The following ZNF607 variants were observed in gnomAD, a reference collection of about 807,000 sequenced individuals.
ZNF607 encodes the protein zinc finger protein 607.
In ZNF607, 5 loss-of-function variants were observed where a neutral mutation model predicts 12.8. The ratio of observed to expected loss-of-function variants is 0.39; its 90% CI spans 0.20 to 0.82. The LOEUF is 0.82. ZNF607 is among the 40% of genes least tolerant of loss of function. The probability of loss-of-function intolerance (pLI) is 0.39; values close to 1 mark genes in which losing one functional copy is unlikely to be tolerated. For missense variants in ZNF607, 851 were observed against 859.2 expected, an observed-to-expected ratio of 0.99 and a Z score of 0.12; for synonymous variants, 287 against 276.2, an observed-to-expected ratio of 1.04 and a Z score of -0.39.
At position 37,697,594 on chromosome 19, in the gene ZNF607, A is replaced by T; in HGVS notation, c.*446T>A. 2.2e-6 allele frequency: 1 copy of T among 450,666 alleles called. No individual in the cohort carries two copies. The highest frequency in any genetic ancestry group is 4.1e-6 in the Non-Finnish European group (1 of 246,130). The allele number at this position is 450,666 out of a possible 1,614,324, so 27.9% of individuals were successfully genotyped here. ...TGTTGATCATGAGCATTAAATATGCAGAGTGGCTAAATAGCCTTTCCCATC... is the reference window on the plus strand; with the variant it reads ...TGTTGATCATGAGCATTAAATATGCTGAGTGGCTAAATAGCCTTTCCCATC... On this transcript the variant is annotated 3_prime_UTR_variant, in exon 5 of 5. Coordinates refer to ENST00000355202, the MANE Select transcript of ZNF607 (RefSeq NM_032689.5).
At chr19:37,717,605 GAC>G (rs1248452541) in intron 1 of ZNF607, among the ~76,000 whole-genome samples, 1 of 139,196 alleles carries the variant, frequency 7.2e-6, no homozygotes, top group Non-Finnish European at 1.5e-5. Context: ...AGACCAGCCT[GAC>G]CCACATGGAG....
Position 37,697,085 on chromosome 19 carries a change from G to A in ZNF607, c.*955C>T. 1.3e-6 allele frequency: 1 copy of A among 744,648 alleles called. No homozygotes were observed. Among genetic ancestry groups the A allele is most frequent in the South Asian group, 1.4e-5 (1 of 73,206 alleles). The allele number at this position is 744,648 out of a possible 1,614,324, so 46.1% of individuals were successfully genotyped here. A position where few individuals can be genotyped will look rare whatever the true frequency, so the allele number is the denominator to read the frequency against. On this transcript the variant is annotated 3_prime_UTR_variant, in exon 5 of 5. Transcript: ENST00000355202. ...CGTAGTCCTCTCCAATGCTGGTGAA[G>A]ATGCGAGGAAGCTGGCTAGTGATGG...
intron 4 of ZNF607, among the ~76,000 whole-genome samples, chr19:37,704,212 G>A (rs992631998): frequency 6.6e-6 from 1 of 151,566 alleles, no homozygotes; most frequent in Non-Finnish European, 1.5e-5. Flanking sequence ...CCCAGAACAA[G>A]TACACAAAAA....
intron 1 of ZNF607, among the ~76,000 whole-genome samples, chr19:37,712,109 G>C: frequency 6.6e-6 from 1 of 152,162 alleles, no homozygotes; most frequent in East Asian, 1.9e-4. Flanking sequence ...AATTGGTCAA[G>C]ATATTGGAGA....
rs777857755 is a variant in ZNF607, at chr19:37,699,455, C to T, written c.676G>A (p.Glu226Lys). The part of the protein sequence containing the change: ...HRFHYGEKPY[E>K]CKECGKAFSV... Reference sequence around the variant, plus strand: ...AAGGCCTTGCCACATTCCTTACATTCGTAGGGTTTCTCACCATAATGAAAT... The same window carrying T: ...AAGGCCTTGCCACATTCCTTACATTTGTAGGGTTTCTCACCATAATGAAAT... Residue 226 changes from glutamate to lysine, a missense_variant, in exon 5 of 5, where the codon GAA becomes AAA. By Grantham distance (56) the Glu-to-Lys change is moderately conservative. Transcript: ENST00000355202. 8.1e-6 allele frequency: 13 copies of T among 1,613,864 alleles called. No homozygotes were observed. The African/African-American group carries it at 9.3e-5, about 12-fold the overall frequency.
rs529598985 is a variant in ZNF607, at chr19:37,697,238, G to A, written c.*802C>T. The A allele has an allele frequency of 3.6e-5, 27 of 754,186 alleles. No homozygotes were observed. Among genetic ancestry groups the A allele is most frequent in the Middle Eastern group, 4.6e-4 (2 of 4,310 alleles). The allele number at this position is 754,186 out of a possible 1,614,324, so 46.7% of individuals were successfully genotyped here. ...GTTTTTGTACACATGGGATGAGAAA[G>A]TGAGTCCCTTCCCCTACCACAATGT... On this transcript the variant is annotated 3_prime_UTR_variant, in exon 5 of 5. Coordinates refer to ENST00000355202, the MANE Select transcript of ZNF607 (RefSeq NM_032689.5).
rs1230848466 is a variant in ZNF607 at position 37,719,320 on chromosome 19, CG to C, written c.-127del. On this transcript the variant is annotated 5_prime_UTR_variant, in exon 1 of 5. Transcript: ENST00000355202. ...CGTCACACAGGCAAGCCGGTCCTGT[CG>C]CCGCTGCGCGGTCTCTCACGCTCCC... 6.5e-6 allele frequency: 1 copy of C among 153,624 alleles called. No individual in the cohort carries two copies. The highest frequency in any genetic ancestry group is 1.5e-5 in the Non-Finnish European group (1 of 68,836). The allele number at this position is 153,624 out of a possible 1,614,324, so 9.5% of individuals were successfully genotyped here.
intron 4 of ZNF607, among the ~76,000 whole-genome samples, chr19:37,701,877 GA>G (rs2045041810): frequency 6.6e-6 from 1 of 152,074 alleles, no homozygotes; most frequent in Admixed American, 6.6e-5. Flanking sequence ...ATGGGGGGGA[GA>G]CAGAAAAGGA....
In ZNF607 at chr19:37,698,048, G is replaced by A; in HGVS notation, c.2083C>T (p.His695Tyr). ...ATGCCACAATTTCTCTATCAAATATGAATTCTCTGATGTACTTCAAGGATG... is the reference window on the plus strand; with the variant it reads ...ATGCCACAATTTCTCTATCAAATATAAATTCTCTGATGTACTTCAAGGATG... The part of the protein sequence containing the change: ...RSILEVHQRI[H>Y]I Residue 695 changes from histidine (H) to tyrosine (Y), a missense_variant, in exon 5 of 5, where the codon CAT (histidine) becomes TAT (tyrosine). Physicochemically the swap from His to Tyr is moderately conservative, Grantham distance 83 (BLOSUM62 2). Coordinates refer to ENST00000355202, the MANE Select transcript of ZNF607 (RefSeq NM_032689.5). 6.3e-7 allele frequency: 1 copy of A among 1,585,824 alleles called. No homozygotes were observed. Among genetic ancestry groups the A allele is most frequent in the Non-Finnish European group, 8.5e-7 (1 of 1,169,680 alleles).
In ZNF607 at chr19:37,697,141, C is replaced by A; in HGVS notation, c.*899G>T. The A allele has an allele frequency of 1.3e-6, 1 of 745,504 alleles. No individual in the cohort carries two copies. The allele number at this position is 745,504 out of a possible 1,614,324, so 46.2% of individuals were successfully genotyped here. ...AAGAGGATGCACAGTGTGATGTTGA[C>A]ATTCTGTAAATCTTTGCTACCAGTG... On this transcript the variant is annotated 3_prime_UTR_variant, in exon 5 of 5. Transcript: ENST00000355202.
chr19:37,698,556 A>T lies in ZNF607; in HGVS notation c.1575T>A (p.Ser525Arg), dbSNP rs1233065204. The T allele has an allele frequency of 6.2e-7, 1 of 1,611,906 alleles. No individual in the cohort carries two copies. The change falls in exon 5 of 5, where the codon AGT (serine) becomes AGA (arginine). Residue 525 changes from serine to arginine, a missense_variant. Coordinates refer to ENST00000355202, the MANE Select transcript of ZNF607 (RefSeq NM_032689.5). ...CAAAGGGTTTCTTACCACTGTGAAT[A>T]CTCAGATGCTGAGTAAGTTGTCCAG... ...SVSGQLTQHL[S>R]IHSGKKPFEC... is the part of the protein sequence containing the mutation.
intron 2 of ZNF607, among the ~76,000 whole-genome samples, chr19:37,710,341 CTG>C (rs1337797771): frequency 6.6e-6 from 1 of 151,948 alleles, no homozygotes; most frequent in African/African-American, 2.4e-5. Context: ...TGGCACATGC[CTG>C]TAATCCCAGC....
At position 37,696,449 on chromosome 19, in the gene ZNF607, C is replaced by T. The variant is rs183270806; in HGVS notation, c.*1591G>A. ...CCCATAATTTTTTCATGTACTAACT[C>T]ATGTAATTCTTTGTTTTTTAGAGAT... On this transcript the variant is annotated 3_prime_UTR_variant, in exon 5 of 5. Transcript: ENST00000355202. 13 of 293,788 alleles carry T rather than the reference C, an allele frequency of 4.4e-5. No homozygotes were observed. In the East Asian group the frequency reaches 9.2e-4, roughly 21 times the overall value. The allele number at this position is 293,788 out of a possible 1,614,324, so 18.2% of individuals were successfully genotyped here. A position where few individuals can be genotyped will look rare whatever the true frequency, so the allele number is the denominator to read the frequency against.
At chr19:37,711,759 T>C (rs1484881824) in intron 1 of ZNF607, 67 bp from the exon 2 acceptor site, 6 of 726,102 alleles carry the variant, frequency 8.3e-6, no homozygotes, top group Non-Finnish European at 1.4e-5. Flanking sequence ...AAGGTAATAG[T>C]ACTGTTTTCC....
chr19:37,717,213 T>C (rs2045183095), intron 1 of ZNF607, among the ~76,000 whole-genome samples: 1 of 152,148 alleles, frequency 6.6e-6, no homozygotes, highest in Admixed American at 6.5e-5. Context: ...TGAGACGGAG[T>C]CTCGCGCTGT....
chr19:37,709,355 T>C (rs1250814673), intron 3 of ZNF607, among the ~76,000 whole-genome samples: 1 of 152,156 alleles, frequency 6.6e-6, no homozygotes, highest in Non-Finnish European at 1.5e-5. Context: ...AGCAATTCTG[T>C]GCACAAAATA....
At chr19:37,707,151 T>G (rs1383815447) in intron 4 of ZNF607, among the ~76,000 whole-genome samples, 1 of 152,090 alleles carries the variant, frequency 6.6e-6, no homozygotes, top group Non-Finnish European at 1.5e-5. Context: ...TGATATACAG[T>G]TCTATGAGAT....
At chr19:37,710,418 A>C (rs987673214) in intron 2 of ZNF607, among the ~76,000 whole-genome samples, 4 of 150,768 alleles carry the variant, frequency 2.7e-5, no homozygotes, top group African/African-American at 9.8e-5. Flanking sequence ...GTGACCTGAG[A>C]ATGCTCCATT....
intron 1 of ZNF607, among the ~76,000 whole-genome samples, chr19:37,713,766 C>T (rs1237221521): frequency 4.6e-5 from 7 of 152,076 alleles, no homozygotes; most frequent in Non-Finnish European, 1.0e-4. Context: ...ACAAAATTCA[C>T]AGGTACACTT....
Sources: gnomAD v4.1 joint callset for allele counts (sites outside exome capture counted in the v4.1 genomes callset) on GRCh38, gnomAD v4.1.1 for gene constraint, MANE v1.5 for transcripts, NCBI Gene and HGNC (gene_info 2026-07-23, HGNC 2026-07-21) for gene names.